USP7: variants seen among roughly 807,000 people sequenced by gnomAD.
The protein encoded by USP7 is ubiquitin specific peptidase 7, also known as ubiquitin C-terminal hydrolase 7.
A neutral mutation model predicts 162.9 loss-of-function variants in USP7; 9 were observed. The observed-to-expected ratio is 0.06, with a 90% CI of 0.03 to 0.10. The LOEUF (loss-of-function observed/expected upper bound fraction) is 0.10. Ranked by LOEUF, USP7 falls within the 10% of genes least tolerant of loss-of-function variation. The pLI is 1.00. For synonymous variants in USP7, 562 were observed against 475.9 expected, an observed-to-expected ratio of 1.18 and a Z score of -2.35; for missense variants, 715 against 1,373.7, an observed-to-expected ratio of 0.52 and a Z score of 7.58.
intron 1 of USP7, among the ~76,000 whole-genome samples, chr16:8,939,522 A>C (rs1221849031): frequency 1.3e-5 from 2 of 152,204 alleles, no homozygotes; most frequent in Non-Finnish European, 2.9e-5. Context: ...ATTTATTTCT[A>C]CTTTTGAGTT....
intron 1 of USP7, among the ~76,000 whole-genome samples, chr16:8,955,535 G>A (rs1343802846): frequency 1.3e-5 from 2 of 151,914 alleles, no homozygotes; most frequent in South Asian, 4.2e-4. Context: ...TGGGGAAACC[G>A]TCTCTACTAA....
At position 8,962,710 on chromosome 16, in the gene USP7, G is replaced by A. The variant is rs544713846; in HGVS notation, c.79+497C>T. On this transcript the variant is annotated intron_variant, in intron 1 of 30. Transcript: ENST00000344836. ...ATTTTCGAACGTAAGCCCGACGCTAGGCAGTGCTGTTAGAAAGTGATTTGG... is the reference window on the plus strand; with the variant it reads ...ATTTTCGAACGTAAGCCCGACGCTAAGCAGTGCTGTTAGAAAGTGATTTGG... 2.7e-5 allele frequency: 5 copies of A among 186,758 alleles called. No individual in the cohort carries two copies. In the South Asian group the frequency reaches 3.2e-4, roughly 12 times the overall value. The allele number at this position is 186,758 out of a possible 1,614,324, so 11.6% of individuals were successfully genotyped here.
At chr16:8,936,514 A>C (rs1253518384) in intron 1 of USP7, 4 of 1,424,048 alleles carry the variant, frequency 2.8e-6, no homozygotes, top group Non-Finnish European at 3.7e-6. Context: ...AGTTTGGCTG[A>C]GACATGTCAG....
At chr16:8,943,355 C>T (rs759468411) in intron 1 of USP7, among the ~76,000 whole-genome samples, 7 of 151,214 alleles carry the variant, frequency 4.6e-5, no homozygotes, top group Non-Finnish European at 8.8e-5. Flanking sequence ...TAGTCTGCTC[C>T]GCAAAAGAAA....
chr16:8,902,309 A>G (rs1173018827), intron 17 of USP7, 72 bp downstream of exon 17: 16 of 1,570,966 alleles, frequency 1.0e-5, no homozygotes, highest in Non-Finnish European at 1.4e-5. Context: ...AAGGGAAACA[A>G]GCTGCACTAA....
intron 1 of USP7, among the ~76,000 whole-genome samples, chr16:8,931,886 G>A (rs1898367102): frequency 1.3e-5 from 2 of 152,138 alleles, no homozygotes; most frequent in South Asian, 2.1e-4. Context: ...CTACACAGTC[G>A]GCTTTCCCTG....
chr16:8,916,427 T>A, intron 8 of USP7, 75 bp downstream of exon 8: 1 of 1,473,276 alleles, frequency 6.8e-7, no homozygotes, highest in Non-Finnish European at 9.2e-7. Context: ...GTCTGAGGTT[T>A]TACTTGGTAA....
At chr16:8,950,341 AAC>A (rs769076526) in intron 1 of USP7, among the ~76,000 whole-genome samples, 11 of 152,220 alleles carry the variant, frequency 7.2e-5, no homozygotes, top group Non-Finnish European at 1.5e-4. Context: ...CTCTCTGATA[AAC>A]ACTCAAGATT....
Position 8,894,543 on chromosome 16 carries a change from C to A in USP7, c.3202+7G>T. Reference sequence around the variant, plus strand: ...ACACCAGCCCCCGGGGGGGGGAGAACCCTTACCGGGCTGTGGCTCAAAGTC... The same window carrying A: ...ACACCAGCCCCCGGGGGGGGGAGAAACCTTACCGGGCTGTGGCTCAAAGTC... On this transcript the variant is annotated splice_region_variant and intron_variant, in intron 30 of 30. Coordinates refer to ENST00000344836, the MANE Select transcript of USP7 (RefSeq NM_003470.3). 1 of 1,610,500 alleles carries A rather than the reference C, an allele frequency of 6.2e-7. No individual in the cohort carries two copies. The highest frequency in any genetic ancestry group is 8.5e-7 in the Non-Finnish European group (1 of 1,179,470).
In USP7 at chr16:8,963,525, G is replaced by GCGGC. The variant is rs1389062809; in HGVS notation, c.-244_-241dup. 2 of 140,792 alleles carry GCGGC rather than the reference G, an allele frequency of 1.4e-5. No homozygotes were observed. The highest frequency in any genetic ancestry group is 7.0e-5 in the Admixed American group (1 of 14,380). The allele number at this position is 140,792 out of a possible 1,614,324, so 8.7% of individuals were successfully genotyped here. ...CCAATCTCGGCGCCGAGGCGGGCGG[G>GCGGC]CGGCCGGCGGGCCGGGCCGGGCGGC... On this transcript the variant is annotated 5_prime_UTR_variant, in exon 1 of 31. Coordinates refer to ENST00000344836, the MANE Select transcript of USP7 (RefSeq NM_003470.3).
chr16:8,915,234 T>C lies in USP7; in HGVS notation c.1078+20A>G. 6.4e-7 allele frequency: 1 copy of C among 1,561,174 alleles called. No individual in the cohort carries two copies. The highest frequency in any genetic ancestry group is 8.7e-7 in the Non-Finnish European group (1 of 1,149,862). On this transcript the variant is annotated intron_variant, in intron 10 of 30. Coordinates refer to ENST00000344836, the MANE Select transcript of USP7 (RefSeq NM_003470.3). Reference sequence around the variant, plus strand: ...AGAAATCATCAAAAGATCATGCCATTAGATACACACAACACTTACTATTTT... The same window carrying C: ...AGAAATCATCAAAAGATCATGCCATCAGATACACACAACACTTACTATTTT...
At chr16:8,895,880 A>G (rs941826086) in intron 26 of USP7, 139 bp from the exon 27 acceptor site, 13 of 586,146 alleles carry the variant, frequency 2.2e-5, no homozygotes, top group Non-Finnish European at 3.4e-5. Flanking sequence ...TCTGTCGCCC[A>G]GGCTGGAGTG....
At chr16:8,930,921 A>T (rs142653424) in intron 1 of USP7, among the ~76,000 whole-genome samples, 1,862 of 151,786 alleles carry the variant, frequency 0.012, 21 homozygotes, top group Non-Finnish European at 0.015. Context: ...GTGAGCCAAG[A>T]TCATGCCACT....
intron 2 of USP7, among the ~76,000 whole-genome samples, chr16:8,929,914 G>A (rs1898223850): frequency 1.3e-5 from 2 of 152,198 alleles, no homozygotes; most frequent in African/African-American, 2.4e-5. Context: ...ACCCTGCAAT[G>A]AGAATGCAAT....
chr16:8,926,762 A>C (rs1019043847), intron 2 of USP7, among the ~76,000 whole-genome samples: 2 of 152,248 alleles, frequency 1.3e-5, no homozygotes, highest in Non-Finnish European at 2.9e-5. Flanking sequence ...CACTAACATT[A>C]GCAGACCACC....
In USP7 at chr16:8,920,254, G is replaced by C. The variant is rs909127841; in HGVS notation, c.611+105C>G. The stretch of plus-strand genomic sequence containing the variant: ...TGCCACAGGGCAAGCGCAGAGAGGA[G>C]GCTTACTGATTAAATATGTGCATCT... On this transcript the variant is annotated intron_variant, in intron 5 of 30. Transcript: ENST00000344836. 3.2e-5 allele frequency: 31 copies of C among 970,432 alleles called. No individual in the cohort carries two copies. In the South Asian group the frequency reaches 3.6e-4, roughly 11 times the overall value. 60.1% of individuals were successfully genotyped at this position (970,432 alleles called of 1,614,324 possible).
intron 2 of USP7, among the ~76,000 whole-genome samples, chr16:8,924,160 CT>C (rs767081100): frequency 7.2e-5 from 11 of 152,234 alleles, no homozygotes; most frequent in Non-Finnish European, 1.2e-4. Context: ...AAAATTCAAT[CT>C]TTCACTGATG....
intron 1 of USP7, among the ~76,000 whole-genome samples, chr16:8,961,141 T>C (rs991012255): frequency 1.3e-5 from 2 of 152,150 alleles, no homozygotes; most frequent in African/African-American, 4.8e-5. Context: ...AAAGTAGCCT[T>C]GAAAACGTGC....
chr16:8,900,810 T>A, intron 20 of USP7, 180 bp from the exon 21 acceptor site: 1 of 739,598 alleles, frequency 1.4e-6, no homozygotes. Flanking sequence ...TCAGATTTGA[T>A]TCTACAACAG....
Sources: gnomAD v4.1 joint callset for allele counts (sites outside exome capture counted in the v4.1 genomes callset) on GRCh38, gnomAD v4.1.1 for gene constraint, MANE v1.5 for transcripts, NCBI Gene and HGNC (gene_info 2026-07-23, HGNC 2026-07-21) for gene names.